The following ARNT2 variants were observed in gnomAD, a reference collection of about 807,000 sequenced individuals.
The protein encoded by ARNT2 is aryl hydrocarbon receptor nuclear translocator 2.
A neutral mutation model predicts 91.7 loss-of-function variants in ARNT2; 36 were observed. The observed-to-expected ratio is 0.39, with a 90% CI of 0.30 to 0.52. The LOEUF is 0.52. Ranked by LOEUF, ARNT2 falls within the 20% of genes least tolerant of loss-of-function variation. The pLI is 0.72. For missense variants in ARNT2, 775 were observed against 939.3 expected, an observed-to-expected ratio of 0.83 and a Z score of 2.29; for synonymous variants, 365 against 347.1, an observed-to-expected ratio of 1.05 and a Z score of -0.57.
At chr15:80,437,346 A>T (rs8036233) in intron 1 of ARNT2, among the ~76,000 whole-genome samples, 85,363 of 151,000 alleles carry the variant, frequency 0.57, 24,055 homozygotes, top group East Asian at 0.65. Context: ...AGTCTCACCC[A>T]CTCCATCTCT....
intron 2 of ARNT2, among the ~76,000 whole-genome samples, chr15:80,453,011 A>G (rs1009232641): frequency 5.3e-5 from 8 of 152,286 alleles, no homozygotes; most frequent in East Asian, 1.9e-4. Context: ...GCCTCAAGCA[A>G]TCCTCACACC....
chr15:80,416,968 C>A (rs139571065), intron 1 of ARNT2, among the ~76,000 whole-genome samples: 215 of 152,204 alleles, frequency 1.4e-3, no homozygotes, highest in Admixed American at 0.012. Context: ...CGAGTATAGG[C>A]AGCTTTACAT....
At chr15:80,528,334 A>G (rs1179833818) in intron 8 of ARNT2, among the ~76,000 whole-genome samples, 1 of 152,186 alleles carries the variant, frequency 6.6e-6, no homozygotes, top group African/African-American at 2.4e-5. Context: ...GAGGCTTTGC[A>G]TCCAGAATTT....
intron 1 of ARNT2, among the ~76,000 whole-genome samples, chr15:80,423,206 G>A (rs761436175): frequency 3.3e-5 from 5 of 152,140 alleles, no homozygotes; most frequent in East Asian, 1.9e-4. Flanking sequence ...AATGTGTTTC[G>A]TGCAGCACCT....
intron 17 of ARNT2, among the ~76,000 whole-genome samples, chr15:80,588,153 A>G (rs943247083): frequency 6.6e-6 from 1 of 151,682 alleles, no homozygotes; most frequent in African/African-American, 2.4e-5. Flanking sequence ...AACTCAGCCG[A>G]CCCCAGCCTG....
At position 80,581,414 on chromosome 15, in the gene ARNT2, G is replaced by T. The variant is rs923136934; in HGVS notation, c.1918+10G>T. The T allele has an allele frequency of 2.5e-6, 4 of 1,613,938 alleles. No individual in the cohort carries two copies. Among genetic ancestry groups the T allele is most frequent in the East Asian group, 2.2e-5 (1 of 44,872 alleles). ...AGGACTCCAGGGTTCGGTAGGTGGG[G>T]AATGAGGGAGTGAGATTCTGGGAAA... On this transcript the variant is annotated intron_variant, in intron 17 of 18. Coordinates refer to ENST00000303329, the MANE Select transcript of ARNT2 (RefSeq NM_014862.4).
chr15:80,552,305 G>A (rs906939457), intron 9 of ARNT2, among the ~76,000 whole-genome samples: 1 of 152,130 alleles, frequency 6.6e-6, no homozygotes, highest in Admixed American at 6.5e-5. Flanking sequence ...GAAGAGAAGG[G>A]GATTAACATT....
rs1227819142 is a variant in ARNT2, at chr15:80,591,156, C to T, written c.1919-412C>T. Among the ~76,000 whole-genome samples the T allele has an allele frequency of 2.0e-5, 3 of 152,338 alleles. No homozygotes were observed. The highest frequency in any genetic ancestry group is 4.8e-5 in the African/African-American group (2 of 41,578). On this transcript the variant is annotated intron_variant, in intron 17 of 18. Coordinates refer to ENST00000303329, the MANE Select transcript of ARNT2 (RefSeq NM_014862.4). This position sits in a 1 kb window ranked among gnomAD's most constrained non-coding sequence, Gnocchi z 5.1. ...GCAGGGGCAGGTGTGTCTTCCTCCT[C>T]ATGCCAACACCATACTGCTGAGGAC...
rs150876795 is a variant in ARNT2 at position 80,597,284 on chromosome 15, G to C, written c.*3586G>C. The C allele has an allele frequency of 1.4e-5, 7 of 518,344 alleles. No homozygotes were observed. The highest frequency in any genetic ancestry group is 9.8e-5 in the South Asian group (7 of 71,484). 32.1% of individuals were successfully genotyped at this position (518,344 alleles called of 1,614,324 possible). On this transcript the variant is annotated 3_prime_UTR_variant, in exon 19 of 19. Coordinates refer to ENST00000303329, the MANE Select transcript of ARNT2 (RefSeq NM_014862.4). The stretch of plus-strand genomic sequence containing the variant: ...GTGAACGCTCACCTTGCTCCGTCAC[G>C]GTTCTGACCTACCACATAAACAGGA...
intron 1 of ARNT2, among the ~76,000 whole-genome samples, chr15:80,440,597 T>A (rs1294955633): frequency 6.6e-6 from 1 of 152,154 alleles, no homozygotes; most frequent in Non-Finnish European, 1.5e-5. Context: ...GAGCCAGCAC[T>A]GTTAGCTGAG....
At chr15:80,586,675 G>A (rs1396338183) in intron 17 of ARNT2, among the ~76,000 whole-genome samples, 2 of 151,968 alleles carry the variant, frequency 1.3e-5, no homozygotes, top group African/African-American at 4.8e-5. Flanking sequence ...AGACCAGCCT[G>A]GCCAACATGG....
chr15:80,505,398 G>A (rs1897259547), intron 5 of ARNT2, among the ~76,000 whole-genome samples: 1 of 152,204 alleles, frequency 6.6e-6, no homozygotes, highest in African/African-American at 2.4e-5. Flanking sequence ...TTCAGAGGCA[G>A]GAAGTGCACA....
At chr15:80,466,124 C>T (rs1896649489) in intron 3 of ARNT2, among the ~76,000 whole-genome samples, 1 of 152,238 alleles carries the variant, frequency 6.6e-6, no homozygotes, top group Non-Finnish European at 1.5e-5. Flanking sequence ...CCATAGCAGA[C>T]AGGAGACTCA....
chr15:80,590,058 T>A (rs1385951543), intron 17 of ARNT2, among the ~76,000 whole-genome samples: 1 of 152,188 alleles, frequency 6.6e-6, no homozygotes, highest in African/African-American at 2.4e-5. Context: ...TATGGGTGGA[T>A]GGGTGGGAGA....
chr15:80,537,492 A>G (rs1897844560), intron 8 of ARNT2, among the ~76,000 whole-genome samples: 1 of 152,226 alleles, frequency 6.6e-6, no homozygotes, highest in Admixed American at 6.5e-5. Context: ...AATATTTTTA[A>G]TGACAAGTAG....
At chr15:80,472,578 T>G (rs1896746348) in intron 4 of ARNT2, among the ~76,000 whole-genome samples, 1 of 152,204 alleles carries the variant, frequency 6.6e-6, no homozygotes, top group Non-Finnish European at 1.5e-5. Flanking sequence ...ATCATCCCAG[T>G]GGTCATGGGA....
At chr15:80,448,321 A>G (rs907150088) in intron 1 of ARNT2, among the ~76,000 whole-genome samples, 2 of 152,226 alleles carry the variant, frequency 1.3e-5, no homozygotes, top group Admixed American at 6.5e-5. Flanking sequence ...GTTCTGGCCA[A>G]TGAAATAGGA....
At position 80,592,954 on chromosome 15, in the gene ARNT2, G is replaced by A. The variant is rs115532594; in HGVS notation, c.2056-646G>A. 7.2e-3 allele frequency among the ~76,000 whole-genome samples: 1,094 copies of A among 152,344 alleles called. 20 individuals are homozygous for A. The highest frequency in any genetic ancestry group is 0.025 in the African/African-American group (1,030 of 41,580). ...TGGATTTCTAGGAGGTAGGCAAAGT[G>A]TGCCTTGTTTCCCAAACTTATTTGT... On this transcript the variant is annotated intron_variant, in intron 18 of 18. Transcript: ENST00000303329.
chr15:80,459,847 T>C (rs1467732930), intron 3 of ARNT2, among the ~76,000 whole-genome samples: 1 of 152,184 alleles, frequency 6.6e-6, no homozygotes, highest in Non-Finnish European at 1.5e-5. Context: ...AATGAGTTTG[T>C]AGGACCGCAG....
Sources: allele counts gnomAD v4.1 joint callset (sites outside exome capture counted in the v4.1 genomes callset), GRCh38; gene constraint gnomAD v4.1.1; non-coding constraint Gnocchi (gnomAD v3.1); transcripts MANE v1.5; gene names NCBI Gene and HGNC (gene_info 2026-07-23, HGNC 2026-07-21).